The following LPAR1 variants were observed in gnomAD, a reference collection of about 807,000 sequenced individuals.
LPAR1 encodes the protein lysophosphatidic acid receptor 1, also known as LPA receptor 1.
In LPAR1, 5 loss-of-function variants were observed where a neutral mutation model predicts 23.8. The ratio of observed to expected loss-of-function variants is 0.21; its 90% CI spans 0.11 to 0.44. The LOEUF (loss-of-function observed/expected upper bound fraction) is 0.44. Ranked by LOEUF, LPAR1 falls within the 20% of genes least tolerant of loss-of-function variation. The pLI, the probability that LPAR1 is intolerant of heterozygous loss-of-function variation, is 0.99. For synonymous variants in LPAR1, 160 were observed against 164.7 expected (o/e 0.97, Z 0.22); for missense variants, 311 against 482.8 (o/e 0.64, Z 3.33).
chr9:110,913,690 G>C (rs1024433650), intron 5 of LPAR1, among the ~76,000 whole-genome samples: 4 of 152,062 alleles, frequency 2.6e-5, no homozygotes, highest in Non-Finnish European at 4.4e-5. Flanking sequence ...CAAGTGAAGT[G>C]GAGTTATGGA....
chr9:110,904,947 G>A lies in LPAR1; in HGVS notation c.794-29225C>T, dbSNP rs2090696748. ...ACAAACCCCAGAGTAGAGAGGAGAGGAAGTGACAGAAGGAAGACACTTCAA... is the reference window on the plus strand; with the variant it reads ...ACAAACCCCAGAGTAGAGAGGAGAGAAAGTGACAGAAGGAAGACACTTCAA... On this transcript the variant is annotated intron_variant, in intron 5 of 5. Coordinates refer to ENST00000683809, the MANE Select transcript of LPAR1 (RefSeq NM_001351411.2). Among the ~76,000 whole-genome samples, 3 of 152,220 alleles carry A rather than the reference G, an allele frequency of 2.0e-5. No homozygotes were observed. In the South Asian group the frequency reaches 6.2e-4, roughly 32 times the overall value.
intron 2 of LPAR1, among the ~76,000 whole-genome samples, chr9:111,023,249 C>T (rs946936599): frequency 6.6e-6 from 1 of 152,148 alleles, no homozygotes; most frequent in African/African-American, 2.4e-5. Flanking sequence ...GCCAACTCAT[C>T]AAAGAAGATT....
chr9:111,013,166 C>T (rs2097367574), intron 2 of LPAR1, among the ~76,000 whole-genome samples: 1 of 152,044 alleles, frequency 6.6e-6, no homozygotes, highest in Non-Finnish European at 1.5e-5. Flanking sequence ...ACAATGAAGG[C>T]CAAAAGTGCT....
intron 4 of LPAR1, among the ~76,000 whole-genome samples, chr9:110,967,766 G>A (rs2096271476): frequency 6.6e-6 from 1 of 152,184 alleles, no homozygotes; most frequent in African/African-American, 2.4e-5. Flanking sequence ...AAGCTTCGGG[G>A]CAAGGGCAAG....
At chr9:110,942,564 G>A (rs1254614260) in intron 4 of LPAR1, among the ~76,000 whole-genome samples, 1 of 152,212 alleles carries the variant, frequency 6.6e-6, no homozygotes, top group African/African-American at 2.4e-5. Flanking sequence ...TGTAAACACA[G>A]TTGGTTTCTA....
chr9:110,892,447 C>T (rs536191078), intron 5 of LPAR1, among the ~76,000 whole-genome samples: 4 of 152,008 alleles, frequency 2.6e-5, no homozygotes, highest in Non-Finnish European at 2.9e-5. Context: ...AGGTGGATCA[C>T]GAGGTCAGGA....
intron 4 of LPAR1, among the ~76,000 whole-genome samples, chr9:110,957,371 TGC>T (rs1349482250): frequency 7.3e-5 from 11 of 150,906 alleles, no homozygotes; most frequent in Non-Finnish European, 1.3e-4. Context: ...ATAATAATAA[TGC>T]ACCATGCACC....
At chr9:110,902,472 G>C (rs550032100) in intron 5 of LPAR1, among the ~76,000 whole-genome samples, 2 of 152,190 alleles carry the variant, frequency 1.3e-5, no homozygotes, top group Non-Finnish European at 2.9e-5. Context: ...CTGCTGCCTT[G>C]TGAAGAAGGA....
chr9:110,999,578 T>C (rs1564297981), intron 2 of LPAR1: 2 of 369,474 alleles, frequency 5.4e-6, no homozygotes, highest in Non-Finnish European at 1.1e-5. Context: ...ATCTGAAGGC[T>C]GGAAGTCGAA....
chr9:110,887,242 C>A (rs1338743106), intron 5 of LPAR1, among the ~76,000 whole-genome samples: 1 of 151,846 alleles, frequency 6.6e-6, no homozygotes, highest in Non-Finnish European at 1.5e-5. Flanking sequence ...ATTTTATTTA[C>A]AATTCATTTT....
chr9:110,948,594 T>C (rs1210935661), intron 4 of LPAR1, among the ~76,000 whole-genome samples: 1 of 152,234 alleles, frequency 6.6e-6, no homozygotes, highest in Non-Finnish European at 1.5e-5. Flanking sequence ...CACATCATCA[T>C]ACTTGTCAAA....
At chr9:110,942,194 T>C (rs781232372) in intron 4 of LPAR1, 26 bp from the exon 5 acceptor site, 3 of 1,572,048 alleles carry the variant, frequency 1.9e-6, no homozygotes, top group Non-Finnish European at 2.6e-6. Context: ...GAAAAGATGA[T>C]GAAAAAGAAG....
chr9:110,886,198 CAA>C (rs71371693), intron 5 of LPAR1, among the ~76,000 whole-genome samples: 116 of 128,450 alleles, frequency 9.0e-4, no homozygotes, highest in Admixed American at 1.0e-3. Context: ...AAATCCATCT[CAA>C]AAAAAAAAAA....
intron 5 of LPAR1, among the ~76,000 whole-genome samples, chr9:110,919,333 C>T (rs927782887): frequency 2.0e-5 from 3 of 152,020 alleles, no homozygotes; most frequent in African/African-American, 7.2e-5. Flanking sequence ...CTACCAGCAA[C>T]CTAAGGAACT....
At position 110,913,648 on chromosome 9, in the gene LPAR1, C is replaced by T. The variant is rs867521518; in HGVS notation, c.793+27773G>A. Among the ~76,000 whole-genome samples, 24 of 152,026 alleles carry T rather than the reference C, an allele frequency of 1.6e-4. 1 individual carries two copies. In the Middle Eastern group the frequency reaches 0.02, roughly 129 times the overall value. On this transcript the variant is annotated intron_variant, in intron 5 of 5. Transcript: ENST00000683809. ...AGATAAGCCTAATTAAGTATGCCCA[C>T]AAACAAAAAGCACATTCTGAATGGA... is the stretch of plus-strand genomic sequence containing the variant.
chr9:110,956,379 AAG>A (rs2095751492), intron 4 of LPAR1, among the ~76,000 whole-genome samples: 1 of 142,566 alleles, frequency 7.0e-6, no homozygotes, highest in Non-Finnish European at 1.6e-5. Context: ...CCAGAACTTA[AAG>A]TATAATAATA....
intron 2 of LPAR1, among the ~76,000 whole-genome samples, chr9:111,032,198 C>A (rs1158065866): frequency 6.6e-6 from 1 of 152,190 alleles, no homozygotes; most frequent in Non-Finnish European, 1.5e-5. Flanking sequence ...AAGAGAGGCA[C>A]TTTGACCTAC....
At chr9:110,985,219 GT>G (rs894280545) in intron 2 of LPAR1, among the ~76,000 whole-genome samples, 2 of 152,050 alleles carry the variant, frequency 1.3e-5, no homozygotes, top group Non-Finnish European at 2.9e-5. Flanking sequence ...ATCGCCACCT[GT>G]GGCTACAGGC....
At chr9:111,026,046 T>C (rs1315725093) in intron 2 of LPAR1, among the ~76,000 whole-genome samples, 3 of 152,164 alleles carry the variant, frequency 2.0e-5, no homozygotes, top group Non-Finnish European at 4.4e-5. Context: ...TTGAAGTAGT[T>C]TTTTCTAATT....
Sources: allele counts gnomAD v4.1 joint callset (sites outside exome capture counted in the v4.1 genomes callset), GRCh38; gene constraint gnomAD v4.1.1; transcripts MANE v1.5; gene names NCBI Gene and HGNC (gene_info 2026-07-23, HGNC 2026-07-21).